Variants in POU6F1 observed in about 807,000 individuals in gnomAD.
POU6F1 encodes the protein POU class 6 homeobox 1, also known as POU domain, class 6, transcription factor 1.
In POU6F1, 9 loss-of-function variants were observed where a neutral mutation model predicts 28.9. The ratio of observed to expected loss-of-function variants is 0.31; its 90% CI spans 0.19 to 0.54. The LOEUF (loss-of-function observed/expected upper bound fraction) is 0.54, where lower values mean the gene tolerates loss of function less well. Ranked by LOEUF, POU6F1 falls within the 20% of genes least tolerant of loss-of-function variation. The probability of loss-of-function intolerance (pLI) is 0.94; values close to 1 mark genes in which losing one functional copy is unlikely to be tolerated. For synonymous variants in POU6F1, 173 were observed against 171.1 expected (o/e 1.01, Z -0.09); for missense variants, 338 against 426.1 (o/e 0.79, Z 1.82).
intron 2 of POU6F1, among the ~76,000 whole-genome samples, chr12:51,206,283 T>C (rs148961588): frequency 0.076 from 11,275 of 148,510 alleles, 646 homozygotes; most frequent in East Asian, 0.29. Context: ...ATTAGCCGGG[T>C]GTGGTGGTGG....
At chr12:51,192,891 T>G in intron 8 of POU6F1, among the ~76,000 whole-genome samples, 1 of 147,820 alleles carries the variant, frequency 6.8e-6, no homozygotes, top group Admixed American at 6.8e-5. Flanking sequence ...GGCGACAGAG[T>G]GAGACTCCGT....
At chr12:51,208,721 G>C (rs1943791401) in intron 1 of POU6F1, among the ~76,000 whole-genome samples, 1 of 152,174 alleles carries the variant, frequency 6.6e-6, no homozygotes, top group Admixed American at 6.5e-5. Context: ...TGGACTGCTT[G>C]AGCCCAGGAG....
chr12:51,192,256 AG>A, intron 9 of POU6F1, 73 bp downstream of exon 9: 2 of 1,542,564 alleles, frequency 1.3e-6, no homozygotes, highest in Non-Finnish European at 1.8e-6. Flanking sequence ...CAAGGAAAGC[AG>A]CATCTGAAGA....
At chr12:51,209,691 C>T (rs1943861976) in intron 1 of POU6F1, among the ~76,000 whole-genome samples, 1 of 152,132 alleles carries the variant, frequency 6.6e-6, no homozygotes, top group South Asian at 2.1e-4. Context: ...ATCTTCATTG[C>T]TTGGCAGAAT....
chr12:51,190,499 T>A lies in POU6F1; in HGVS notation c.1584A>T (p.Glu528Asp). ...CAAACTCCATCAGGTTCTGCTGGCC[T>A]TCCTGGTTCCGCAGTTCAGCTTCGT... Reference protein sequence around the residue: ...WLNEAELRNQEGQQNLMEFVG... With the variant: ...WLNEAELRNQDGQQNLMEFVG... Residue 528 changes from glutamate to aspartate, a missense_variant, in exon 11 of 11, where the codon GAA becomes GAT. Glu to Asp is a conservative substitution (Grantham distance 45). Transcript: ENST00000333640. This position sits in a 1 kb window ranked among gnomAD's most constrained non-coding sequence, Gnocchi z 4.5. 1 of 1,614,200 alleles carries A rather than the reference T, an allele frequency of 6.2e-7. No homozygotes were observed. The highest frequency in any genetic ancestry group is 1.1e-5 in the South Asian group (1 of 91,074).
At position 51,197,048 on chromosome 12, in the gene POU6F1, ACCGG is replaced by A. The variant is rs1942874698; in HGVS notation, c.847-125_847-122del. 50 of 602,652 alleles carry A rather than the reference ACCGG, an allele frequency of 8.3e-5. 1 individual carries two copies. Among genetic ancestry groups the A allele is most frequent in the Admixed American group, 5.8e-5 (2 of 34,250 alleles). 37.3% of individuals were successfully genotyped at this position (602,652 alleles called of 1,614,324 possible). The stretch of plus-strand genomic sequence containing the variant: ...GAATGTGGGCTTCAGGCCCATGTCT[ACCGG>A]CTGGATGGTTTCCAGGGCTAGGGGT... On this transcript the variant is annotated intron_variant, in intron 6 of 10. Transcript: ENST00000333640.
intron 1 of POU6F1, among the ~76,000 whole-genome samples, chr12:51,212,821 G>C (rs1379872022): frequency 6.8e-6 from 1 of 147,206 alleles, no homozygotes; most frequent in Non-Finnish European, 1.5e-5. Context: ...AGTCCAATAT[G>C]GGAGTCAAGG....
Position 51,192,444 on chromosome 12 carries a change from C to T in POU6F1, c.1207G>A (p.Val403Met), listed in dbSNP as rs759527012. 3.5e-5 allele frequency: 56 copies of T among 1,613,488 alleles called. No individual in the cohort carries two copies. The highest frequency in any genetic ancestry group is 2.9e-4 in the East Asian group (13 of 44,900). ...GCAATGACCACAGCAGGCTGGGGCA[C>T]GGTTGGTGTGGGCTGGATGGGCTGC... The part of the protein sequence containing the change: ...EVQPIQPTPT[V>M]PQPAVVIASP... The change falls in exon 9 of 11, where the codon GTG (valine) becomes ATG (methionine). Residue 403 changes from valine (V) to methionine (M), a missense_variant. Physicochemically the swap from Val to Met is conservative, Grantham distance 21. This residue lies in a region of POU6F1 where 206 missense variants were observed against 225.6 expected (regional missense o/e 0.91). Coordinates refer to ENST00000333640, the MANE Select transcript of POU6F1 (RefSeq NM_001330422.2).
At chr12:51,204,819 C>T (rs1943467683) in intron 2 of POU6F1, among the ~76,000 whole-genome samples, 2 of 152,114 alleles carry the variant, frequency 1.3e-5, no homozygotes, top group South Asian at 4.1e-4. Context: ...CTCTTCACTT[C>T]CCTTGAAACC....
intron 1 of POU6F1, among the ~76,000 whole-genome samples, chr12:51,215,452 G>T (rs1331477873): frequency 6.6e-6 from 1 of 151,508 alleles, no homozygotes; most frequent in Non-Finnish European, 1.5e-5. Flanking sequence ...CTAGTTGGGA[G>T]GCCGAGGTGG....
At position 51,190,293 on chromosome 12, in the gene POU6F1, T is replaced by C; in HGVS notation, c.1790A>G (p.Gln597Arg). Residue 597 changes from glutamine (Q) to arginine (R), a missense_variant, in exon 11 of 11, where the codon CAG becomes CGG. This residue lies in a region of POU6F1 where 126 missense variants were observed against 176.5 expected (regional missense o/e 0.71). Coordinates refer to ENST00000333640, the MANE Select transcript of POU6F1 (RefSeq NM_001330422.2). The surrounding 1 kb of genome is among the most constrained non-coding windows in gnomAD (Gnocchi z 4.5). ...VVRVWFCNRR[Q>R]TLKNTSKLNV... ...CAGCTTGCTGGTGTTCTTGAGCGTC[T>C]GGCGCCGATTGCAGAACCAGACCCG... 3 of 1,614,220 alleles carry C rather than the reference T, an allele frequency of 1.9e-6. No homozygotes were observed. Among genetic ancestry groups the C allele is most frequent in the South Asian group, 1.1e-5 (1 of 91,088 alleles).
At chr12:51,203,296 CCT>C (rs150117780) in intron 3 of POU6F1, among the ~76,000 whole-genome samples, 6,701 of 152,140 alleles carry the variant, frequency 0.044, 512 homozygotes, top group African/African-American at 0.15. Flanking sequence ...AGAAACCTCC[CCT>C]GTTTTCTGAA....
intron 9 of POU6F1, 74 bp downstream of exon 9, chr12:51,192,256 A>T: frequency 6.5e-7 from 1 of 1,542,564 alleles, no homozygotes. Context: ...CAAGGAAAGC[A>T]GCATCTGAAG....
chr12:51,203,548 A>G (rs1266332879), intron 3 of POU6F1, among the ~76,000 whole-genome samples: 1 of 152,222 alleles, frequency 6.6e-6, no homozygotes, highest in Non-Finnish European at 1.5e-5. Context: ...AAGAATTTGC[A>G]TACTGATGTG....
rs200557831 is a variant in POU6F1, at chr12:51,190,413, T to C, written c.1670A>G (p.Glu557Gly). 107 of 1,614,030 alleles carry C rather than the reference T, an allele frequency of 6.6e-5. No homozygotes were observed. The highest frequency in any genetic ancestry group is 4.9e-4 in the Middle Eastern group (3 of 6,084). Residue 557 changes from glutamate (E) to glycine (G), a missense_variant, in exon 11 of 11, where the codon GAG becomes GGG. Physicochemically the swap from Glu to Gly is moderately conservative, Grantham distance 98. Transcript: ENST00000333640. This position sits in a 1 kb window ranked among gnomAD's most constrained non-coding sequence, Gnocchi z 4.5. ...RRTSFTPQAI[E>G]ALNAYFEKNP... ...CTTCTCAAAATAGGCATTGAGAGCC[T>C]CTATGGCCTGGGGGGTGAAGGAGGT...
intron 1 of POU6F1, among the ~76,000 whole-genome samples, chr12:51,212,495 T>TCC (rs1944058940): frequency 6.7e-6 from 1 of 149,886 alleles, no homozygotes; most frequent in African/African-American, 2.4e-5. Flanking sequence ...AAATCTATAG[T>TCC]CCAGGCCGGG....
chr12:51,198,545 G>A lies in POU6F1; in HGVS notation c.592+5C>T, dbSNP rs1365332185. On this transcript the variant is annotated splice_donor_5th_base_variant and intron_variant, in intron 5 of 10. Coordinates refer to ENST00000333640, the MANE Select transcript of POU6F1 (RefSeq NM_001330422.2). ...TGGTGCAGTCCTGGGAAGAGTTGCC[G>A]TTACCTTGGAGACCGGCTAAAGGTG... 7 of 399,278 alleles carry A rather than the reference G, an allele frequency of 1.8e-5. No homozygotes were observed. The Admixed American group carries it at 1.8e-4, about 10-fold the overall frequency. 24.7% of individuals were successfully genotyped at this position (399,278 alleles called of 1,614,324 possible). A position where few individuals can be genotyped will look rare whatever the true frequency, so the allele number is the denominator to read the frequency against.
rs34296849 is a variant in POU6F1 at position 51,199,484 on chromosome 12, G to A, written c.366+263C>T. On this transcript the variant is annotated intron_variant, in intron 4 of 10. Coordinates refer to ENST00000333640, the MANE Select transcript of POU6F1 (RefSeq NM_001330422.2). The surrounding 1 kb of genome is among the most constrained non-coding windows in gnomAD (Gnocchi z 4.1). ...TTTGATAAACAGAAACTCTGGCTGC[G>A]TGAAAGAGTTAATGTTATTTCTGCA... 0.15 allele frequency among the ~76,000 whole-genome samples: 22,430 copies of A among 152,168 alleles called. 3,601 individuals carry two copies. The highest frequency in any genetic ancestry group is 0.39 in the African/African-American group (16,009 of 41,474).
At chr12:51,198,266 C>T (rs1942974724) in intron 5 of POU6F1, 1 of 396,564 alleles carries the variant, frequency 2.5e-6, no homozygotes, top group African/African-American at 2.1e-5. Context: ...TGTAGTCCTT[C>T]CCAGGAGGCC....
Sources: allele counts gnomAD v4.1 joint callset (sites outside exome capture counted in the v4.1 genomes callset), GRCh38; gene constraint gnomAD v4.1.1; regional missense constraint gnomAD v4.1.1; non-coding constraint Gnocchi (gnomAD v3.1); transcripts MANE v1.5; gene names NCBI Gene and HGNC (gene_info 2026-07-23, HGNC 2026-07-21).